Variants in CEP63 observed in about 807,000 individuals in gnomAD.
CEP63 encodes the protein centrosomal protein of 63 kDa.
Under a neutral mutation model 89.1 loss-of-function variants are expected in CEP63, and 84 were observed. That is an observed-to-expected ratio of 0.94 (90% CI 0.79 to 1.13). The LOEUF (loss-of-function observed/expected upper bound fraction) is 1.13, where lower values mean the gene tolerates loss of function less well. Among genes scored for constraint, CEP63 ranks in the 50% most tolerant of loss-of-function variants. The pLI, the probability that CEP63 is intolerant of heterozygous loss-of-function variation, is 0.00. For missense variants in CEP63, 838 were observed against 813.3 expected (o/e 1.03, Z -0.37); for synonymous variants, 267 against 272.5 (o/e 0.98, Z 0.20).
chr3:134,508,770 T>C lies in CEP63; in HGVS notation c.222+1484T>C, dbSNP rs185528212. Among the ~76,000 whole-genome samples the C allele has an allele frequency of 2.7e-4, 41 of 152,320 alleles. 1 individual carries two copies. Among genetic ancestry groups the C allele is most frequent in the African/African-American group, 8.9e-4 (37 of 41,572 alleles). On this transcript the variant is annotated intron_variant, in intron 3 of 14. Coordinates refer to ENST00000675561, the MANE Select transcript of CEP63 (RefSeq NM_001353108.3). Reference sequence around the variant, plus strand: ...AAATGGATAGATTCCATGGTAAGGATATGAAGATGTTAAGTTTGGCCTGGG... The same window carrying C: ...AAATGGATAGATTCCATGGTAAGGACATGAAGATGTTAAGTTTGGCCTGGG...
chr3:134,730,538 T>C, the CEP63 span, among the ~76,000 whole-genome samples: 1 of 152,214 alleles, frequency 6.6e-6, no homozygotes, highest in Non-Finnish European at 1.5e-5. Flanking sequence ...GATACATATA[T>C]GTACACACAA....
chr3:134,776,523 T>A, the CEP63 span, among the ~76,000 whole-genome samples: 1 of 152,170 alleles, frequency 6.6e-6, no homozygotes. Flanking sequence ...GCTGCTGCAT[T>A]GTGTGTGTGA....
the CEP63 span, chr3:134,608,662 G>A: frequency 1.2e-6 from 2 of 1,614,028 alleles, no homozygotes; most frequent in Admixed American, 1.7e-5. Context: ...TTCTGATCAT[G>A]GAAGTCTCTG....
At chr3:134,581,581 CA>C (rs1401517955) in intron 10 of CEP63, among the ~76,000 whole-genome samples, 8 of 151,042 alleles carry the variant, frequency 5.3e-5, no homozygotes, top group South Asian at 4.2e-4. Context: ...AACTCTGTCT[CA>C]AAAAGCAAAC....
downstream of CEP63, among the ~76,000 whole-genome samples, chr3:134,592,469 G>GGTTGTGTGTGTGT (rs1958615899): frequency 1.6e-5 from 2 of 125,108 alleles, no homozygotes; most frequent in African/African-American, 6.1e-5. Context: ...TCTGCAAACT[G>GGTTGTGTGTGTGT]GTGTGTGTGT....
chr3:134,499,157 C>T (rs142295870), intron 2 of CEP63, among the ~76,000 whole-genome samples: 1 of 152,170 alleles, frequency 6.6e-6, no homozygotes, highest in African/African-American at 2.4e-5. Flanking sequence ...GTAATGCCAT[C>T]AGGTCCTGGG....
At chr3:134,772,670 G>A in the CEP63 span, among the ~76,000 whole-genome samples, 3 of 152,082 alleles carry the variant, frequency 2.0e-5, no homozygotes, top group African/African-American at 4.8e-5. Context: ...GCACATGTGG[G>A]AGGAGCCTCT....
chr3:134,779,751 G>A, the CEP63 span: 1 of 152,156 alleles, frequency 6.6e-6, no homozygotes, highest in Non-Finnish European at 1.5e-5. Context: ...AAACCAAAAT[G>A]TGGTGGTGAG....
chr3:134,582,327 C>G (rs542887328), intron 10 of CEP63, among the ~76,000 whole-genome samples: 1 of 152,208 alleles, frequency 6.6e-6, no homozygotes, highest in East Asian at 1.9e-4. Context: ...TATCCCTCCC[C>G]CAGTCCCCCA....
the CEP63 span, among the ~76,000 whole-genome samples, chr3:134,656,202 T>A: frequency 3.9e-5 from 6 of 151,966 alleles, no homozygotes; most frequent in Admixed American, 1.3e-4. Context: ...GAAGGCTACA[T>A]CCCCAAACAG....
chr3:134,568,426 A>T (rs1167812121), downstream of CEP63, among the ~76,000 whole-genome samples: 4 of 152,248 alleles, frequency 2.6e-5, no homozygotes, highest in African/African-American at 9.6e-5. Flanking sequence ...CAACAGGAGC[A>T]TGCACTGCAA....
the CEP63 span, among the ~76,000 whole-genome samples, chr3:134,673,952 TC>T: frequency 6.6e-6 from 1 of 152,214 alleles, no homozygotes; most frequent in Non-Finnish European, 1.5e-5. Context: ...CTTACTCTGA[TC>T]CCAGGTTTTC....
At chr3:134,570,007 C>T (rs1257404009), downstream of CEP63, among the ~76,000 whole-genome samples, 2 of 152,218 alleles carry the variant, frequency 1.3e-5, no homozygotes, top group African/African-American at 2.4e-5. Flanking sequence ...CTACGTTGGC[C>T]ACTTTCAGCC....
At chr3:134,725,047 T>C in the CEP63 span, among the ~76,000 whole-genome samples, 1 of 150,708 alleles carries the variant, frequency 6.6e-6, no homozygotes, top group Non-Finnish European at 1.5e-5. Flanking sequence ...ACCAAATCAT[T>C]TTCATATGGA....
At chr3:134,502,612 A>G (rs893813980) in intron 2 of CEP63, among the ~76,000 whole-genome samples, 17 of 152,066 alleles carry the variant, frequency 1.1e-4, no homozygotes, top group African/African-American at 3.9e-4. Context: ...GTGCATACAG[A>G]TGTTCATAGT....
intron 13 of CEP63, 73 bp downstream of exon 13, chr3:134,558,420 T>C: frequency 7.5e-6 from 8 of 1,070,158 alleles, no homozygotes; most frequent in Non-Finnish European, 1.4e-6. Context: ...AGAATAATTT[T>C]TGACTTACAG....
At chr3:134,583,454 T>C (rs1958410382) in intron 10 of CEP63, among the ~76,000 whole-genome samples, 1 of 152,200 alleles carries the variant, frequency 6.6e-6, no homozygotes, top group Admixed American at 6.5e-5. Context: ...CCCCATTTCT[T>C]GTTTTTTTCA....
rs1468176066 is a variant in CEP63 at position 134,563,469 on chromosome 3, C to CTGCA, written c.*1935_*1938dup. ...ACAGAGTCTCACTCTGTCGCCCAAG[C>CTGCA]TGCAGTACAGTGGCAGGATCTCGGC... On this transcript the variant is annotated 3_prime_UTR_variant, in exon 15 of 15. Coordinates refer to ENST00000675561, the MANE Select transcript of CEP63 (RefSeq NM_001353108.3). The CTGCA allele has an allele frequency of 2.0e-5, 3 of 152,146 alleles. No homozygotes were observed. Among genetic ancestry groups the CTGCA allele is most frequent in the African/African-American group, 7.2e-5 (3 of 41,390 alleles). 9.4% of individuals were successfully genotyped at this position (152,146 alleles called of 1,614,324 possible).
chr3:134,755,829 A>C, the CEP63 span: 2 of 152,290 alleles, frequency 1.3e-5, no homozygotes, highest in African/African-American at 4.8e-5. Flanking sequence ...TGAGTTTTCC[A>C]AAAGCAATGC....
Sources: allele counts gnomAD v4.1 joint callset (sites outside exome capture counted in the v4.1 genomes callset), GRCh38; gene constraint gnomAD v4.1.1; transcripts MANE v1.5; gene names NCBI Gene and HGNC (gene_info 2026-07-23, HGNC 2026-07-21).